Variants in SGMS1 observed in about 807,000 individuals in gnomAD.
SGMS1 encodes the protein phosphatidylcholine:ceramide cholinephosphotransferase 1.
SGMS1 carries 13 observed loss-of-function variants against 46.2 expected under a neutral mutation model. The observed-to-expected ratio is 0.28, with a 90% CI of 0.18 to 0.45. The LOEUF is 0.45. Among genes scored for constraint, SGMS1 ranks in the 20% least tolerant of loss-of-function variants. SGMS1 has a pLI of 1.00. For missense variants in SGMS1, 324 were observed against 519.9 expected (o/e 0.62, Z 3.66); for synonymous variants, 203 against 187.8 (o/e 1.08, Z -0.66).
intron 5 of SGMS1, among the ~76,000 whole-genome samples, chr10:50,450,379 T>A (rs1287186741): frequency 6.6e-6 from 1 of 152,180 alleles, no homozygotes; most frequent in Non-Finnish European, 1.5e-5. Flanking sequence ...AAAGTCAATT[T>A]TATTTTTCTT....
chr10:50,623,531 C>G, intron 1 of SGMS1, 176 bp downstream of exon 1: 1 of 967,174 alleles, frequency 1.0e-6, no homozygotes, highest in South Asian at 4.8e-5. Context: ...GGAGCAGCAG[C>G]TCTGGAGGAC....
At chr10:50,315,117 GC>G (rs1340319781) in intron 8 of SGMS1, among the ~76,000 whole-genome samples, 1 of 152,150 alleles carries the variant, frequency 6.6e-6, no homozygotes, top group Non-Finnish European at 1.5e-5. Context: ...CCCTGAACCA[GC>G]CTACAGCTGT....
At chr10:50,414,905 C>T (rs1849148155) in intron 6 of SGMS1, among the ~76,000 whole-genome samples, 1 of 152,222 alleles carries the variant, frequency 6.6e-6, no homozygotes, top group Non-Finnish European at 1.5e-5. Flanking sequence ...AAGACCTAAA[C>T]TCATTCATCT....
chr10:50,481,923 T>G (rs1837480885), intron 3 of SGMS1, among the ~76,000 whole-genome samples: 1 of 152,110 alleles, frequency 6.6e-6, no homozygotes, highest in Non-Finnish European at 1.5e-5. Context: ...AGAAACAATG[T>G]CAGAGCTTGA....
At chr10:50,483,148 C>T (rs868116080) in intron 3 of SGMS1, among the ~76,000 whole-genome samples, 29 of 152,160 alleles carry the variant, frequency 1.9e-4, no homozygotes, top group African/African-American at 3.9e-4. Context: ...GGCATGATCT[C>T]GGCTCACTAC....
intron 2 of SGMS1, among the ~76,000 whole-genome samples, chr10:50,538,457 CAA>C (rs61633959): frequency 0.018 from 1,580 of 85,656 alleles, 15 homozygotes; most frequent in Middle Eastern, 0.036. Context: ...GACTCCATCT[CAA>C]AAAAAAAAAA....
chr10:50,451,070 C>T (rs891771300), intron 5 of SGMS1, among the ~76,000 whole-genome samples: 2 of 151,810 alleles, frequency 1.3e-5, no homozygotes, highest in African/African-American at 4.8e-5. Context: ...AAACTATTTC[C>T]AATATGAAGT....
intron 6 of SGMS1, among the ~76,000 whole-genome samples, chr10:50,423,097 CA>C (rs1377253929): frequency 6.6e-6 from 1 of 152,158 alleles, no homozygotes; most frequent in Non-Finnish European, 1.5e-5. Flanking sequence ...TTGCAGGTAA[CA>C]AAAATGGCAC....
At chr10:50,501,287 G>C (rs954015342) in intron 3 of SGMS1, among the ~76,000 whole-genome samples, 32 of 152,316 alleles carry the variant, frequency 2.1e-4, no homozygotes, top group African/African-American at 7.5e-4. Context: ...AGAGAAAGGA[G>C]AGAAGGACAA....
chr10:50,564,967 G>C (rs1279950587), intron 2 of SGMS1, among the ~76,000 whole-genome samples: 2 of 152,062 alleles, frequency 1.3e-5, no homozygotes, highest in Admixed American at 1.3e-4. Context: ...CTGGCTGCAG[G>C]TTTTGCCCCT....
chr10:50,550,438 T>C (rs1838138560), intron 2 of SGMS1, among the ~76,000 whole-genome samples: 1 of 152,202 alleles, frequency 6.6e-6, no homozygotes, highest in South Asian at 2.1e-4. Flanking sequence ...ACAGCTTTTA[T>C]CAGCCCTACA....
Position 50,344,197 on chromosome 10 carries a change from G to A in SGMS1, c.-83C>T. The stretch of plus-strand genomic sequence containing the variant: ...TTCCGACAGGGCAGGACACTGTCCT[G>A]CCTCGGCTCGTTCATCCTGTGGGGC... On this transcript the variant is annotated 5_prime_UTR_variant, in exon 7 of 11. An upstream open reading frame in the 5' UTR gains an earlier in-frame stop. Coordinates refer to ENST00000361781, the MANE Select transcript of SGMS1 (RefSeq NM_147156.4). The A allele has an allele frequency of 1.3e-6, 2 of 1,497,002 alleles. No homozygotes were observed. Among genetic ancestry groups the A allele is most frequent in the Non-Finnish European group, 1.8e-6 (2 of 1,130,458 alleles). 92.7% of individuals were successfully genotyped at this position (1,497,002 alleles called of 1,614,324 possible).
chr10:50,357,674 C>T (rs1184557500), intron 6 of SGMS1, among the ~76,000 whole-genome samples: 1 of 152,122 alleles, frequency 6.6e-6, no homozygotes, highest in East Asian at 1.9e-4. Flanking sequence ...CCTGACAGTG[C>T]TTTGGAAAAC....
chr10:50,361,264 C>T (rs1216928731), intron 6 of SGMS1, among the ~76,000 whole-genome samples: 5 of 152,076 alleles, frequency 3.3e-5, no homozygotes, highest in African/African-American at 1.2e-4. Flanking sequence ...GGTGGCAGAG[C>T]CAGTGTCAGA....
intron 2 of SGMS1, among the ~76,000 whole-genome samples, chr10:50,542,866 A>G (rs1838067817): frequency 6.7e-6 from 1 of 150,346 alleles, no homozygotes; most frequent in African/African-American, 2.4e-5. Flanking sequence ...GCAAAAAAAA[A>G]AAAAAAAGAA....
intron 6 of SGMS1, among the ~76,000 whole-genome samples, chr10:50,413,367 T>C (rs1849127620): frequency 6.6e-6 from 1 of 152,206 alleles, no homozygotes; most frequent in African/African-American, 2.4e-5. Flanking sequence ...GTGTACACTG[T>C]ATACACTTGC....
chr10:50,417,326 T>C (rs1347711358), intron 6 of SGMS1, among the ~76,000 whole-genome samples: 1 of 152,156 alleles, frequency 6.6e-6, no homozygotes, highest in Non-Finnish European at 1.5e-5. Flanking sequence ...TGGATAAAAA[T>C]GTTATGATAA....
At chr10:50,543,920 C>T (rs181972418) in intron 2 of SGMS1, among the ~76,000 whole-genome samples, 12 of 152,226 alleles carry the variant, frequency 7.9e-5, no homozygotes, top group Admixed American at 4.6e-4. Flanking sequence ...AGGAGCCATA[C>T]GAAGAACGTA....
chr10:50,400,192 A>G (rs1278668206), intron 6 of SGMS1, among the ~76,000 whole-genome samples: 1 of 151,796 alleles, frequency 6.6e-6, no homozygotes, highest in East Asian at 1.9e-4. Flanking sequence ...AGGTTAGTAC[A>G]GTTGTCAAAA....
Sources: allele counts gnomAD v4.1 joint callset (sites outside exome capture counted in the v4.1 genomes callset), GRCh38; gene constraint gnomAD v4.1.1; transcripts MANE v1.5; gene names NCBI Gene and HGNC (gene_info 2026-07-23, HGNC 2026-07-21).